Variants in ZSCAN18 observed in about 807,000 individuals in gnomAD.
ZSCAN18 encodes zinc finger and SCAN domain-containing protein 18.
In ZSCAN18, 16 loss-of-function variants were observed where a neutral mutation model predicts 31.1. The ratio of observed to expected loss-of-function variants is 0.51; its 90% confidence interval spans 0.35 to 0.78. ZSCAN18 has a LOEUF of 0.78. Ranked by LOEUF, ZSCAN18 falls within the 30% of genes least tolerant of loss-of-function variation. ZSCAN18 has a pLI of 0.01. For synonymous variants in ZSCAN18, 375 were observed against 320.7 expected (o/e 1.17, Z -1.81); for missense variants, 731 against 697.4 (o/e 1.05, Z -0.54).
intron 1 of ZSCAN18, among the ~76,000 whole-genome samples, chr19:58,095,724 C>T (rs569874322): frequency 6.6e-6 from 1 of 152,192 alleles, no homozygotes; most frequent in African/African-American, 2.4e-5. Context: ...GTGGGGGACA[C>T]ATGTCAGCCC....
At chr19:58,091,199 C>T (rs2074402755) in intron 1 of ZSCAN18, among the ~76,000 whole-genome samples, 1 of 147,126 alleles carries the variant, frequency 6.8e-6, no homozygotes, top group South Asian at 2.1e-4. Flanking sequence ...AACCCTGAGG[C>T]AGAGGTTGCA....
At chr19:58,116,719 C>G (rs891730561) in intron 1 of ZSCAN18, among the ~76,000 whole-genome samples, 1 of 152,136 alleles carries the variant, frequency 6.6e-6, no homozygotes, top group Non-Finnish European at 1.5e-5. Context: ...CAGCCCCAGT[C>G]CTAGGGCATG....
intron 1 of ZSCAN18, chr19:58,093,117 C>T (rs1186075878): frequency 6.6e-6 from 1 of 150,952 alleles, no homozygotes; most frequent in Non-Finnish European, 1.5e-5. Context: ...TCTCAACTGG[C>T]CCCTCCGGGA....
chr19:58,093,966 T>C (rs1362453080), intron 1 of ZSCAN18, among the ~76,000 whole-genome samples: 2 of 152,008 alleles, frequency 1.3e-5, no homozygotes, highest in South Asian at 2.1e-4. Context: ...GGTTTCACCA[T>C]GTTGGCCAGG....
upstream of ZSCAN18, among the ~76,000 whole-genome samples, chr19:58,100,252 G>A (rs545498769): frequency 6.6e-6 from 1 of 152,028 alleles, no homozygotes; most frequent in Non-Finnish European, 1.5e-5. Context: ...ACCATGCCCA[G>A]TCTTTCCAGT....
chr19:58,099,267 C>A (rs2074572310), upstream of ZSCAN18, among the ~76,000 whole-genome samples: 2 of 152,164 alleles, frequency 1.3e-5, no homozygotes, highest in African/African-American at 4.8e-5. Flanking sequence ...GTCACTCCCT[C>A]CCCACCCATA....
chr19:58,087,347 G>A lies in ZSCAN18; in HGVS notation c.611C>T (p.Thr204Ile). 6.2e-7 allele frequency: 1 copy of A among 1,607,632 alleles called. No homozygotes were observed. The highest frequency in any genetic ancestry group is 8.5e-7 in the Non-Finnish European group (1 of 1,177,080). The change falls in exon 4 of 7, where the codon ACC becomes ATC. Residue 204 changes from threonine (T) to isoleucine (I), a missense_variant. Around this residue, in one of 4 missense-constraint regions of ZSCAN18, gnomAD observed 597 missense variants for 499.5 expected, o/e 1.20. Coordinates refer to ENST00000601144, the MANE Select transcript of ZSCAN18 (RefSeq NM_001145543.2). ...GGTGTTGGCAGGGCCGTCCTCTTCG[G>A]TCTTTGCTTCTCTGACCCTCCTCTG... Reference protein sequence around the residue: ...LEQRRVREAKTEEDGPANTEQ... With the variant: ...LEQRRVREAKIEEDGPANTEQ...
intron 1 of ZSCAN18, among the ~76,000 whole-genome samples, chr19:58,091,141 T>G (rs1271925586): frequency 6.6e-6 from 1 of 151,012 alleles, no homozygotes; most frequent in African/African-American, 2.4e-5. Context: ...TGGTGGTGGG[T>G]GCCTGTATTC....
intron 2 of ZSCAN18, 141 bp downstream of exon 2, chr19:58,089,724 T>C: frequency 1.1e-6 from 1 of 936,992 alleles, no homozygotes; most frequent in Non-Finnish European, 1.5e-6. Context: ...CCCAGGCATC[T>C]GTCCTGGCCC....
At chr19:58,091,003 C>T (rs2145986525) in intron 1 of ZSCAN18, among the ~76,000 whole-genome samples, 1 of 152,036 alleles carries the variant, frequency 6.6e-6, no homozygotes, top group South Asian at 2.1e-4. Flanking sequence ...GGCGCGGTGG[C>T]TCACGCCCAT....
chr19:58,116,363 T>TA (rs2074730034), intron 1 of ZSCAN18, among the ~76,000 whole-genome samples: 1 of 151,544 alleles, frequency 6.6e-6, no homozygotes, highest in Admixed American at 6.6e-5. Flanking sequence ...GAACACGTAC[T>TA]GTATGCCAGG....
intron 1 of ZSCAN18, among the ~76,000 whole-genome samples, chr19:58,096,246 C>G (rs1050914327): frequency 3.3e-5 from 5 of 152,160 alleles, no homozygotes; most frequent in African/African-American, 1.2e-4. Context: ...AGAGATACCA[C>G]TGGGACCCTT....
At chr19:58,118,214 G>C in intron 1 of ZSCAN18, 1 of 885,248 alleles carries the variant, frequency 1.1e-6, no homozygotes, top group South Asian at 2.0e-5. Context: ...GACAGAAAGA[G>C]CGACCACGCA....
intron 1 of ZSCAN18, among the ~76,000 whole-genome samples, chr19:58,113,192 T>C (rs1337485577): frequency 6.6e-6 from 1 of 151,540 alleles, no homozygotes. Flanking sequence ...GGCGGGCACC[T>C]GTAGTCCCAG....
Position 58,086,241 on chromosome 19 carries a change from A to G in ZSCAN18, c.771T>C (p.Ala257=). The G allele has an allele frequency of 6.2e-7, 1 of 1,614,012 alleles. No individual in the cohort carries two copies. Among genetic ancestry groups the G allele is most frequent in the Non-Finnish European group, 8.5e-7 (1 of 1,179,934 alleles). ...GTTCCTCAGTGTCCAGCCTGGAGGC[A>G]GCGTCAGGCTGGGAAAGCTGATACC... ...LWGYQLSQPD[A]ASRLDTEELR... The change falls in exon 6 of 7, where the codon GCT becomes GCC. Residue 257 remains alanine (A), a synonymous_variant. Coordinates refer to ENST00000601144, the MANE Select transcript of ZSCAN18 (RefSeq NM_001145543.2).
intron 1 of ZSCAN18, among the ~76,000 whole-genome samples, chr19:58,094,854 G>C (rs1267262106): frequency 7.3e-6 from 1 of 137,508 alleles, no homozygotes; most frequent in East Asian, 2.1e-4. Flanking sequence ...TTGCAGCCTG[G>C]GTAACAGAGT....
At chr19:58,094,020 C>T (rs2074469819) in intron 1 of ZSCAN18, among the ~76,000 whole-genome samples, 1 of 152,016 alleles carries the variant, frequency 6.6e-6, no homozygotes, top group Non-Finnish European at 1.5e-5. Flanking sequence ...CCGCCTCGGC[C>T]TCCCAAAGTG....
chr19:58,105,267 T>C (rs956218338), intron 1 of ZSCAN18, among the ~76,000 whole-genome samples: 3 of 152,308 alleles, frequency 2.0e-5, no homozygotes, highest in African/African-American at 4.8e-5. Flanking sequence ...GATGAAGACA[T>C]AGAAGGAAAT....
Position 58,087,364 on chromosome 19 carries a change from C to G in ZSCAN18, c.594G>C (p.Arg198Ser). ...CCTCTTCGGTCTTTGCTTCTCTGAC[C>G]CTCCTCTGTTCCAGAAACAGGGGGT... is the stretch of plus-strand genomic sequence containing the variant. Reference protein sequence around the residue: ...SPDPLFLEQRRVREAKTEEDG... With the variant: ...SPDPLFLEQRSVREAKTEEDG... The change falls in exon 4 of 7, where the codon AGG (arginine) becomes AGC (serine). Residue 198 changes from arginine (R) to serine (S), a missense_variant. Physicochemically the swap from Arg to Ser is moderately radical, Grantham distance 110. Around this residue, in one of 4 missense-constraint regions of ZSCAN18, gnomAD observed 597 missense variants for 499.5 expected, o/e 1.20. Coordinates refer to ENST00000601144, the MANE Select transcript of ZSCAN18 (RefSeq NM_001145543.2). 6.2e-7 allele frequency: 1 copy of G among 1,607,660 alleles called. No individual in the cohort carries two copies. The highest frequency in any genetic ancestry group is 8.5e-7 in the Non-Finnish European group (1 of 1,177,074).
Sources: allele counts gnomAD v4.1 joint callset (sites outside exome capture counted in the v4.1 genomes callset), GRCh38; gene constraint gnomAD v4.1.1; regional missense constraint gnomAD v4.1.1; transcripts MANE v1.5; gene names NCBI Gene and HGNC (gene_info 2026-07-23, HGNC 2026-07-21).